ANKDD1B: variants seen among roughly 807,000 people sequenced by gnomAD.
ANKDD1B encodes ankyrin repeat and death domain-containing protein 1B.
A neutral mutation model predicts 59.7 loss-of-function variants in ANKDD1B; 57 were observed. The observed-to-expected ratio is 0.95, with a 90% CI of 0.77 to 1.19. The LOEUF (loss-of-function observed/expected upper bound fraction) is 1.19. Ranked by LOEUF, ANKDD1B falls within the 50% of genes most tolerant of loss-of-function variation. ANKDD1B has a pLI of 0.00. For missense variants in ANKDD1B, 602 were observed against 641.9 expected, an observed-to-expected ratio of 0.94 and a Z score of 0.67; for synonymous variants, 216 against 239.5, an observed-to-expected ratio of 0.90 and a Z score of 0.91.
chr5:75,661,433 A>AGGCCCACT (rs1209596891), intron 10 of ANKDD1B, among the ~76,000 whole-genome samples: 1 of 146,874 alleles, frequency 6.8e-6, no homozygotes, highest in Non-Finnish European at 1.5e-5. Flanking sequence ...AAAGTAACAC[A>AGGCCCACT]GGCCCACTGT....
intron 5 of ANKDD1B, among the ~76,000 whole-genome samples, chr5:75,630,746 A>G (rs1774129651): frequency 6.6e-6 from 1 of 152,212 alleles, no homozygotes; most frequent in Non-Finnish European, 1.5e-5. Context: ...ACTTCGAACT[A>G]AAGAGTTTGA....
chr5:75,626,823 G>T (rs1774008847), intron 5 of ANKDD1B, among the ~76,000 whole-genome samples: 1 of 151,890 alleles, frequency 6.6e-6, no homozygotes, highest in Non-Finnish European at 1.5e-5. Context: ...CTTCATACAG[G>T]AGTAGCTTTT....
chr5:75,668,596 T>C (rs1186376936), intron 12 of ANKDD1B, among the ~76,000 whole-genome samples: 2 of 152,194 alleles, frequency 1.3e-5, no homozygotes, highest in Non-Finnish European at 2.9e-5. Context: ...GCACACTCTC[T>C]CTCAGAGCAA....
At chr5:75,663,769 C>T (rs1163538983) in intron 11 of ANKDD1B, among the ~76,000 whole-genome samples, 1 of 152,226 alleles carries the variant, frequency 6.6e-6, no homozygotes, top group Admixed American at 6.5e-5. Context: ...GTGTGAGCCC[C>T]TGATGGGTGA....
At chr5:75,632,603 G>T (rs1231076925) in intron 5 of ANKDD1B, among the ~76,000 whole-genome samples, 1 of 152,196 alleles carries the variant, frequency 6.6e-6, no homozygotes, top group Non-Finnish European at 1.5e-5. Flanking sequence ...TGAGCCAGGG[G>T]TCATTCTCCA....
intron 7 of ANKDD1B, among the ~76,000 whole-genome samples, chr5:75,638,190 T>C (rs75130438): frequency 0.014 from 2,128 of 152,314 alleles, 45 homozygotes; most frequent in African/African-American, 0.049. Flanking sequence ...TATTAAAACA[T>C]GTTTAAACCA....
chr5:75,611,587 G>T lies in ANKDD1B; in HGVS notation c.-48G>T, dbSNP rs2431295. ...GTGTCCGAGTCTGGGTCTGGATCTG[G>T]GTCCGAGTCTGGGTCTGGCCCTGCG... On this transcript the variant is annotated 5_prime_UTR_variant, in exon 1 of 14. Transcript: ENST00000601380. 6.4e-6 allele frequency: 7 copies of T among 1,087,952 alleles called. No individual in the cohort carries two copies. The highest frequency in any genetic ancestry group is 8.0e-6 in the Non-Finnish European group (7 of 876,508). The allele number at this position is 1,087,952 out of a possible 1,614,324, so 67.4% of individuals were successfully genotyped here. A position where few individuals can be genotyped will look rare whatever the true frequency, so the allele number is the denominator to read the frequency against.
At chr5:75,670,676 A>G (rs1187997293) in intron 13 of ANKDD1B, among the ~76,000 whole-genome samples, 1 of 152,222 alleles carries the variant, frequency 6.6e-6, no homozygotes, top group South Asian at 2.1e-4. Flanking sequence ...TTCCTATGAA[A>G]GAGGTTCCAT....
chr5:75,635,725 T>C, intron 6 of ANKDD1B, 59 bp from the exon 7 acceptor site: 1 of 1,138,576 alleles, frequency 8.8e-7, no homozygotes, highest in South Asian at 1.4e-5. Context: ...GCCCTTACTA[T>C]TGAAGGAGCA....
chr5:75,655,002 C>T (rs1052394461), intron 8 of ANKDD1B, among the ~76,000 whole-genome samples: 18 of 152,298 alleles, frequency 1.2e-4, no homozygotes, highest in Admixed American at 9.8e-4. Context: ...ATGCCTTAAT[C>T]GCTTCTGCCC....
At chr5:75,665,681 G>A (rs1207897149) in intron 11 of ANKDD1B, among the ~76,000 whole-genome samples, 3 of 152,174 alleles carry the variant, frequency 2.0e-5, no homozygotes, top group African/African-American at 7.2e-5. Context: ...GGAAGGTTTT[G>A]CCCTTCTTGG....
intron 12 of ANKDD1B, among the ~76,000 whole-genome samples, chr5:75,669,036 G>A (rs989613672): frequency 6.6e-6 from 1 of 152,198 alleles, no homozygotes; most frequent in African/African-American, 2.4e-5. Context: ...ACTCCTTTGG[G>A]TGTGTGCCAA....
chr5:75,633,536 T>A (rs1774222073), intron 5 of ANKDD1B, among the ~76,000 whole-genome samples: 1 of 152,202 alleles, frequency 6.6e-6, no homozygotes, highest in African/African-American at 2.4e-5. Context: ...ATGAGGCTCA[T>A]ATCTATTTTT....
At chr5:75,665,345 C>T (rs1042766661) in intron 11 of ANKDD1B, among the ~76,000 whole-genome samples, 1 of 152,212 alleles carries the variant, frequency 6.6e-6, no homozygotes, top group Admixed American at 6.5e-5. Flanking sequence ...AAAATGTTAT[C>T]GCACAAAGAT....
intron 2 of ANKDD1B, among the ~76,000 whole-genome samples, chr5:75,618,691 T>A (rs73764931): frequency 0.075 from 11,428 of 152,306 alleles, 505 homozygotes; most frequent in South Asian, 0.17. Context: ...TTTGACATAG[T>A]AGAGCAAAGC....
intron 11 of ANKDD1B, among the ~76,000 whole-genome samples, chr5:75,666,003 T>A (rs992962157): frequency 2.0e-5 from 3 of 152,196 alleles, no homozygotes; most frequent in Non-Finnish European, 4.4e-5. Context: ...ATCTGCAAAC[T>A]TCTGCAGGAG....
At chr5:75,648,716 C>G (rs370192071) in intron 7 of ANKDD1B, among the ~76,000 whole-genome samples, 44 of 152,222 alleles carry the variant, frequency 2.9e-4, no homozygotes, top group African/African-American at 1.0e-3. Flanking sequence ...CCACACCTAT[C>G]TGTCCAACCC....
chr5:75,635,266 T>G (rs185915008), intron 6 of ANKDD1B: 285 of 308,698 alleles, frequency 9.2e-4, no homozygotes, highest in African/African-American at 5.5e-3. Context: ...TCCACCCCTC[T>G]TCTCTCCTCC....
intron 3 of ANKDD1B, among the ~76,000 whole-genome samples, chr5:75,621,444 T>G (rs1264238885): frequency 6.6e-6 from 1 of 152,084 alleles, no homozygotes; most frequent in African/African-American, 2.4e-5. Context: ...TACAGAGTCC[T>G]CAGCTGTTCC....
Sources: allele counts gnomAD v4.1 joint callset (sites outside exome capture counted in the v4.1 genomes callset), GRCh38; gene constraint gnomAD v4.1.1; transcripts MANE v1.5; gene names NCBI Gene and HGNC (gene_info 2026-07-23, HGNC 2026-07-21).